Variants in PTBP3 observed in about 807,000 individuals in gnomAD.
PTBP3 encodes polypyrimidine tract-binding protein 3.
In PTBP3, 20 loss-of-function variants were observed where a neutral mutation model predicts 58.7. The ratio of observed to expected loss-of-function variants is 0.34; its 90% confidence interval spans 0.24 to 0.50. The LOEUF is 0.50. Among genes scored for constraint, PTBP3 ranks in the 20% least tolerant of loss-of-function variants. The pLI is 0.98. For missense variants in PTBP3, 509 were observed against 637.2 expected, an observed-to-expected ratio of 0.80 and a Z score of 2.17; for synonymous variants, 185 against 219.8, an observed-to-expected ratio of 0.84 and a Z score of 1.40.
the PTBP3 span, among the ~76,000 whole-genome samples, chr9:112,346,083 A>C: frequency 3.6e-4 from 54 of 151,908 alleles, no homozygotes; most frequent in Non-Finnish European, 7.8e-4. Context: ...ACCTCAGGTA[A>C]TCCACCCTTT....
Position 112,260,299 on chromosome 9 carries a change from G to C in PTBP3, c.516+2136C>G, listed in dbSNP as rs183122196. 3.9e-5 allele frequency among the ~76,000 whole-genome samples: 6 copies of C among 152,340 alleles called. No individual in the cohort carries two copies. The East Asian group carries it at 9.6e-4, about 24-fold the overall frequency. ...TCATATAATCCTCGCAATAAAAAATGAGAGAGAACATCATCTTCATTATAA... is the reference window on the plus strand; with the variant it reads ...TCATATAATCCTCGCAATAAAAAATCAGAGAGAACATCATCTTCATTATAA... On this transcript the variant is annotated intron_variant, in intron 5 of 13. Transcript: ENST00000374257.
chr9:112,350,061 A>G, the PTBP3 span, among the ~76,000 whole-genome samples: 2 of 151,802 alleles, frequency 1.3e-5, no homozygotes, highest in Admixed American at 1.3e-4. Flanking sequence ...TTTATGTACC[A>G]TTTAAAGATT....
chr9:112,320,748 G>T (rs1042608800), intron 1 of PTBP3, among the ~76,000 whole-genome samples: 3 of 152,106 alleles, frequency 2.0e-5, no homozygotes, highest in Non-Finnish European at 4.4e-5. Flanking sequence ...CTTACGTATG[G>T]TAAGTTGATT....
the PTBP3 span, among the ~76,000 whole-genome samples, chr9:112,359,121 C>T: frequency 3.3e-5 from 5 of 152,152 alleles, no homozygotes; most frequent in Admixed American, 3.3e-4. Flanking sequence ...AGGTGTGCGC[C>T]ACTGCACCTG....
chr9:112,320,312 A>T lies in PTBP3; in HGVS notation c.-52+13158T>A, dbSNP rs866084854. Among the ~76,000 whole-genome samples, 126 of 47,622 alleles carry T rather than the reference A, an allele frequency of 2.6e-3. 2 individuals are homozygous for T. The highest frequency in any genetic ancestry group is 8.1e-3 in the Admixed American group (33 of 4,094). 31.2% of individuals were successfully genotyped at this position (47,622 alleles called of 152,430 possible). ...AAAAAATATATATATATATATATAT[A>T]TATTTTTTTTTAAGTGTTATCACCA... On this transcript the variant is annotated intron_variant, in intron 1 of 13. Transcript: ENST00000374257.
At chr9:112,286,004 C>A (rs1243470540) in intron 2 of PTBP3, among the ~76,000 whole-genome samples, 1 of 152,154 alleles carries the variant, frequency 6.6e-6, no homozygotes, top group Non-Finnish European at 1.5e-5. Flanking sequence ...TTAAACAGAT[C>A]TATATTTAGA....
At chr9:112,347,365 G>A in the PTBP3 span, among the ~76,000 whole-genome samples, 11 of 144,926 alleles carry the variant, frequency 7.6e-5, no homozygotes, top group South Asian at 2.4e-3. Context: ...TTTTGAGACA[G>A]GGTCTCACTC....
intron 2 of PTBP3, among the ~76,000 whole-genome samples, chr9:112,295,407 A>G (rs1828633318): frequency 1.7e-5 from 2 of 115,342 alleles, no homozygotes; most frequent in Non-Finnish European, 3.5e-5. Context: ...CCCACAGGCA[A>G]TAAGATTGGA....
chr9:112,269,682 T>A (rs1439101752), intron 3 of PTBP3, among the ~76,000 whole-genome samples: 2 of 152,184 alleles, frequency 1.3e-5, no homozygotes, highest in Admixed American at 1.3e-4. Flanking sequence ...GATTTTTATT[T>A]GAGATCATTT....
intron 6 of PTBP3, among the ~76,000 whole-genome samples, chr9:112,251,455 T>C (rs1774971144): frequency 6.6e-6 from 1 of 152,176 alleles, no homozygotes; most frequent in Admixed American, 6.5e-5. Context: ...TTTAAGATAC[T>C]CTGATTTTAC....
chr9:112,246,919 C>A (rs970482714), intron 7 of PTBP3, among the ~76,000 whole-genome samples: 3 of 152,060 alleles, frequency 2.0e-5, no homozygotes, highest in African/African-American at 7.2e-5. Context: ...AAAATTATTT[C>A]TGCAGTATTT....
In PTBP3 at chr9:112,221,260, C is replaced by T. The variant is rs1834796827; in HGVS notation, c.*2591G>A. The stretch of plus-strand genomic sequence containing the variant: ...AGAAGAGTGTATTTATGTATATACA[C>T]TTATCTACACACACACACATTCACA... On this transcript the variant is annotated 3_prime_UTR_variant, in exon 14 of 14. Coordinates refer to ENST00000374257, the MANE Select transcript of PTBP3 (RefSeq NM_001163788.4). 5 of 984,442 alleles carry T rather than the reference C, an allele frequency of 5.1e-6. No homozygotes were observed. The South Asian group carries it at 2.4e-4, about 46-fold the overall frequency. The allele number at this position is 984,442 out of a possible 1,614,324, so 61.0% of individuals were successfully genotyped here. A position where few individuals can be genotyped will look rare whatever the true frequency, so the allele number is the denominator to read the frequency against.
upstream of PTBP3, among the ~76,000 whole-genome samples, chr9:112,334,337 C>T (rs897269973): frequency 6.6e-6 from 1 of 152,074 alleles, no homozygotes; most frequent in African/African-American, 2.4e-5. Context: ...GCTATATTCC[C>T]AGCATTTTTT....
chr9:112,351,691 G>A, the PTBP3 span, among the ~76,000 whole-genome samples: 1 of 152,078 alleles, frequency 6.6e-6, no homozygotes. Flanking sequence ...ATGGACTCAT[G>A]AATATTTATT....
chr9:112,245,944 G>A (rs1835858957), intron 7 of PTBP3, among the ~76,000 whole-genome samples: 1 of 152,124 alleles, frequency 6.6e-6, no homozygotes, highest in South Asian at 2.1e-4. Context: ...CTCTCAAAGT[G>A]CTGGGATTAC....
chr9:112,296,588 T>C (rs530425761), intron 2 of PTBP3, among the ~76,000 whole-genome samples: 2 of 152,274 alleles, frequency 1.3e-5, no homozygotes, highest in East Asian at 3.9e-4. Context: ...CTCCCTTCTC[T>C]GAAACTCTCC....
At chr9:112,347,118 T>C in the PTBP3 span, among the ~76,000 whole-genome samples, 9 of 152,200 alleles carry the variant, frequency 5.9e-5, no homozygotes, top group Non-Finnish European at 2.9e-5. Flanking sequence ...TGTAATGCAA[T>C]ATATAAATAG....
At chr9:112,281,387 A>C (rs564393034) in intron 2 of PTBP3, 9 of 152,362 alleles carry the variant, frequency 5.9e-5, no homozygotes, top group African/African-American at 1.9e-4. Flanking sequence ...GAAGAAATTT[A>C]CTAAATGCTT....
chr9:112,223,521 C>T lies in PTBP3; in HGVS notation c.*330G>A. 1 of 948,958 alleles carries T rather than the reference C, an allele frequency of 1.1e-6. No individual in the cohort carries two copies. Among genetic ancestry groups the T allele is most frequent in the Non-Finnish European group, 1.3e-6 (1 of 783,846 alleles). 58.8% of individuals were successfully genotyped at this position (948,958 alleles called of 1,614,324 possible). Reference sequence around the variant, plus strand: ...TTTAGAAATGTTGTATAAGGCTGATCTGGACCCAAACTAAAACAACGTTAA... The same window carrying T: ...TTTAGAAATGTTGTATAAGGCTGATTTGGACCCAAACTAAAACAACGTTAA... On this transcript the variant is annotated 3_prime_UTR_variant, in exon 14 of 14. Transcript: ENST00000374257.
Sources: gnomAD v4.1 joint callset for allele counts (sites outside exome capture counted in the v4.1 genomes callset) on GRCh38, gnomAD v4.1.1 for gene constraint, MANE v1.5 for transcripts, NCBI Gene and HGNC (gene_info 2026-07-23, HGNC 2026-07-21) for gene names.